Variants in CREB3L2 observed in about 807,000 individuals in gnomAD.
CREB3L2 encodes the protein cyclic AMP-responsive element-binding protein 3-like protein 2.
Under a neutral mutation model 57.2 loss-of-function variants are expected in CREB3L2, and 23 were observed. The ratio of observed to expected loss-of-function variants is 0.40; its 90% CI spans 0.29 to 0.57. CREB3L2 has a LOEUF of 0.57. Ranked by LOEUF, CREB3L2 falls within the 20% of genes least tolerant of loss-of-function variation. The pLI is 0.42. For synonymous variants in CREB3L2, 268 were observed against 265.1 expected (o/e 1.01, Z -0.11); for missense variants, 628 against 634.7 (o/e 0.99, Z 0.11).
chr7:137,877,090 T>G lies in CREB3L2; in HGVS notation c.*3386A>C, dbSNP rs1040630148. 8.7e-6 allele frequency: 2 copies of G among 228,886 alleles called. No individual in the cohort carries two copies. Among genetic ancestry groups the G allele is most frequent in the Non-Finnish European group, 1.7e-5 (2 of 115,400 alleles). 14.2% of individuals were successfully genotyped at this position (228,886 alleles called of 1,614,324 possible). On this transcript the variant is annotated 3_prime_UTR_variant, in exon 12 of 12. Coordinates refer to ENST00000330387, the MANE Select transcript of CREB3L2 (RefSeq NM_194071.4). ...ACACTTATGAAAAAATGCTGGACAC[T>G]TGACTCACTGCCAGAACAAAGAAGA...
At chr7:137,942,938 C>T (rs1029932774) in intron 1 of CREB3L2, among the ~76,000 whole-genome samples, 6 of 152,134 alleles carry the variant, frequency 3.9e-5, no homozygotes, top group African/African-American at 1.4e-4. Flanking sequence ...AATAATGATG[C>T]AATGCCTCGG....
intron 2 of CREB3L2, among the ~76,000 whole-genome samples, chr7:137,919,791 T>C (rs117927820): frequency 0.016 from 2,404 of 152,332 alleles, 32 homozygotes; most frequent in Middle Eastern, 0.027. Context: ...AATGAAATAT[T>C]AAGACAAAAA....
intron 1 of CREB3L2, among the ~76,000 whole-genome samples, chr7:137,932,389 G>T (rs1053189492): frequency 9.9e-5 from 15 of 152,096 alleles, no homozygotes; most frequent in African/African-American, 3.6e-4. Flanking sequence ...CAAATTTGAT[G>T]ATCCACCCTC....
At chr7:137,987,047 C>T (rs1210457953) in intron 1 of CREB3L2, among the ~76,000 whole-genome samples, 2 of 152,204 alleles carry the variant, frequency 1.3e-5, no homozygotes, top group Non-Finnish European at 2.9e-5. Flanking sequence ...GCTCTCCCAG[C>T]GGCTCCAACA....
chr7:137,913,184 C>G, intron 3 of CREB3L2, 106 bp from the exon 4 acceptor site: 2 of 1,159,108 alleles, frequency 1.7e-6, no homozygotes, highest in Non-Finnish European at 2.4e-6. Context: ...GACAGCCCTG[C>G]CTATCCTGGA....
chr7:137,957,319 A>C (rs1273953519), intron 1 of CREB3L2, among the ~76,000 whole-genome samples: 1 of 152,098 alleles, frequency 6.6e-6, no homozygotes, highest in Non-Finnish European at 1.5e-5. Flanking sequence ...TTTACCACTT[A>C]CTTTCTGCAT....
chr7:137,985,211 A>T (rs1169084747), intron 1 of CREB3L2, among the ~76,000 whole-genome samples: 1 of 152,192 alleles, frequency 6.6e-6, no homozygotes, highest in African/African-American at 2.4e-5. Context: ...TCTGTTTGAT[A>T]AAATGCTAGT....
chr7:137,922,606 C>A, intron 2 of CREB3L2: 1 of 443,018 alleles, frequency 2.3e-6, no homozygotes, highest in Admixed American at 2.4e-5. Flanking sequence ...AAAACACATA[C>A]GCAGTTGGTC....
At chr7:137,913,266 C>T (rs1352470374) in intron 3 of CREB3L2, among the ~76,000 whole-genome samples, 188 bp from the exon 4 acceptor site, 1 of 152,118 alleles carries the variant, frequency 6.6e-6, no homozygotes, top group African/African-American at 2.4e-5. Context: ...CATTGCCAAA[C>T]TTGGCATTAC....
At chr7:137,903,158 TCTGAGGACG>T (rs1394989610) in intron 7 of CREB3L2, among the ~76,000 whole-genome samples, 1 of 152,202 alleles carries the variant, frequency 6.6e-6, no homozygotes, top group African/African-American at 2.4e-5. Flanking sequence ...GTTGGTTGAA[TCTGAGGACG>T]CTGAACCCCC....
intron 1 of CREB3L2, among the ~76,000 whole-genome samples, chr7:137,941,463 T>A (rs1054249408): frequency 6.6e-6 from 1 of 152,196 alleles, no homozygotes; most frequent in African/African-American, 2.4e-5. Context: ...CTCCTGCATG[T>A]TCCTTCCTCT....
Position 137,877,628 on chromosome 7 carries a change from G to A in CREB3L2, c.*2848C>T, listed in dbSNP as rs1343806265. On this transcript the variant is annotated 3_prime_UTR_variant, in exon 12 of 12. Coordinates refer to ENST00000330387, the MANE Select transcript of CREB3L2 (RefSeq NM_194071.4). ...TCTAAGAAAGGGAAATGGGAAACTT[G>A]TTTACATGATGAAAAATATAATTAA... 8.9e-6 allele frequency: 2 copies of A among 225,844 alleles called. No individual in the cohort carries two copies. Among genetic ancestry groups the A allele is most frequent in the African/African-American group, 2.2e-5 (1 of 44,894 alleles). 14.0% of individuals were successfully genotyped at this position (225,844 alleles called of 1,614,324 possible).
At chr7:137,996,552 C>T (rs1184550165) in intron 1 of CREB3L2, among the ~76,000 whole-genome samples, 1 of 152,230 alleles carries the variant, frequency 6.6e-6, no homozygotes, top group Non-Finnish European at 1.5e-5. Flanking sequence ...CAAAGTGGAA[C>T]ATCAAACCAA....
At chr7:137,975,657 T>A (rs1439515167) in intron 1 of CREB3L2, among the ~76,000 whole-genome samples, 1 of 152,160 alleles carries the variant, frequency 6.6e-6, no homozygotes, top group Admixed American at 6.5e-5. Context: ...GCTCTCTGCG[T>A]CTTCCAGCAC....
At chr7:137,926,208 T>G (rs1464814493) in intron 2 of CREB3L2, among the ~76,000 whole-genome samples, 1 of 152,228 alleles carries the variant, frequency 6.6e-6, no homozygotes. Context: ...AAATACCATT[T>G]GACCCAGCAA....
chr7:137,999,311 C>T (rs116498919), intron 1 of CREB3L2, among the ~76,000 whole-genome samples: 96 of 150,408 alleles, frequency 6.4e-4, no homozygotes, highest in African/African-American at 2.2e-3. Context: ...TCTACTTATA[C>T]GTTTTCCATA....
At chr7:137,885,541 G>C (rs368511163) in intron 8 of CREB3L2, 39 bp from the exon 9 acceptor site, 3 of 1,497,946 alleles carry the variant, frequency 2.0e-6, no homozygotes, top group Non-Finnish European at 2.8e-6. Flanking sequence ...GAGTCTGACA[G>C]AGAAGAGATG....
chr7:137,922,471 C>T (rs28555390), intron 2 of CREB3L2: 69,073 of 124,932 alleles, frequency 0.55, 20,211 homozygotes, highest in East Asian at 0.81. Flanking sequence ...TATATATATA[C>T]ACACATATAT....
intron 7 of CREB3L2, among the ~76,000 whole-genome samples, chr7:137,903,585 T>C (rs1799815024): frequency 6.6e-6 from 1 of 152,128 alleles, no homozygotes; most frequent in African/African-American, 2.4e-5. Flanking sequence ...TGAAGGAGTG[T>C]GGCCAATGGG....
Sources: allele counts gnomAD v4.1 joint callset (sites outside exome capture counted in the v4.1 genomes callset), GRCh38; gene constraint gnomAD v4.1.1; transcripts MANE v1.5; gene names NCBI Gene and HGNC (gene_info 2026-07-23, HGNC 2026-07-21).